MRPS25: variants seen among roughly 807,000 people sequenced by gnomAD.
MRPS25 encodes the protein mitochondrial ribosomal protein S25, also known as small ribosomal subunit protein mS25.
MRPS25 carries 15 observed loss-of-function variants against 17.3 expected under a neutral mutation model. The ratio of observed to expected loss-of-function variants is 0.87; its 90% CI spans 0.58 to 1.34. The LOEUF is 1.34. Among genes scored for constraint, MRPS25 ranks in the 40% most tolerant of loss-of-function variants. MRPS25 has a pLI of 0.00. For synonymous variants in MRPS25, 94 were observed against 83.3 expected (o/e 1.13, Z -0.70); for missense variants, 225 against 218.6 (o/e 1.03, Z -0.19).
intron 2 of MRPS25, among the ~76,000 whole-genome samples, chr3:15,055,510 T>A (rs960350770): frequency 2.0e-5 from 3 of 152,156 alleles, no homozygotes; most frequent in Non-Finnish European, 4.4e-5. Flanking sequence ...AGGTCGCTAG[T>A]AGAAATGCAA....
At chr3:15,047,695 G>T (rs1282948255), downstream of MRPS25, 15 of 152,246 alleles carry the variant, frequency 9.9e-5, no homozygotes, top group Non-Finnish European at 4.4e-5. Flanking sequence ...TCTTTCTATC[G>T]CCAGTTAAAA....
chr3:15,057,930 G>A (rs1325494933), intron 2 of MRPS25, among the ~76,000 whole-genome samples: 1 of 152,178 alleles, frequency 6.6e-6, no homozygotes, highest in Non-Finnish European at 1.5e-5. Flanking sequence ...TGTTGCCCAG[G>A]CTGGCGTGCA....
chr3:15,054,575 A>C (rs995964852), intron 2 of MRPS25, among the ~76,000 whole-genome samples: 1 of 152,168 alleles, frequency 6.6e-6, no homozygotes, highest in African/African-American at 2.4e-5. Flanking sequence ...TGGATTTGAG[A>C]CCTAAATGTA....
rs1297922767 is a variant in MRPS25, at chr3:15,052,288, TC to T, written c.*152del. 1.4e-5 allele frequency: 20 copies of T among 1,409,938 alleles called. No homozygotes were observed. Among genetic ancestry groups the T allele is most frequent in the Middle Eastern group, 2.4e-4 (1 of 4,182 alleles). 87.3% of individuals were successfully genotyped at this position (1,409,938 alleles called of 1,614,324 possible). On this transcript the variant is annotated 3_prime_UTR_variant, in exon 4 of 4. Transcript: ENST00000253686. ...CAGCTTCAGACCCTCCTCTCCCACA[TC>T]CTTTTACACAGGTGTGTAAAGTCCT...
downstream of MRPS25, chr3:15,042,859 C>T (rs866520728): frequency 2.5e-6 from 4 of 1,613,944 alleles, no homozygotes; most frequent in Non-Finnish European, 3.4e-6. Context: ...CGTTCGCCTG[C>T]CGGCACTCAG....
chr3:15,053,156 C>T, intron 3 of MRPS25: 1 of 1,035,310 alleles, frequency 9.7e-7, no homozygotes, highest in Non-Finnish European at 1.3e-6. Context: ...GAGAGAGGTA[C>T]TTCTCACACT....
chr3:15,055,033 A>G (rs2125133369), intron 2 of MRPS25, among the ~76,000 whole-genome samples: 1 of 152,326 alleles, frequency 6.6e-6, no homozygotes, highest in African/African-American at 2.4e-5. Context: ...GCTTCCAATC[A>G]TGGCAGAAGG....
Position 15,052,646 on chromosome 3 carries a change from A to C in MRPS25, c.330-13T>G, listed in dbSNP as rs544242728. 46 of 1,609,796 alleles carry C rather than the reference A, an allele frequency of 2.9e-5. No homozygotes were observed. The highest frequency in any genetic ancestry group is 3.7e-5 in the Non-Finnish European group (43 of 1,177,154). ...CCTGAGGGTTTCCCTGCCAAAGAGC[A>C]CAGACGGCAACCAAGCATTGGCAAC... On this transcript the variant is annotated splice_polypyrimidine_tract_variant and intron_variant, in intron 3 of 3. Coordinates refer to ENST00000253686, the MANE Select transcript of MRPS25 (RefSeq NM_022497.5).
chr3:15,046,964 C>T (rs547409840), downstream of MRPS25: 3 of 152,736 alleles, frequency 2.0e-5, no homozygotes, highest in East Asian at 5.8e-4. Context: ...CATTGTGTGC[C>T]TCCCACCAGC....
chr3:15,058,304 C>T (rs1222647841), intron 2 of MRPS25, among the ~76,000 whole-genome samples: 5 of 152,218 alleles, frequency 3.3e-5, no homozygotes, highest in African/African-American at 1.2e-4. Context: ...ATTCTCCTGC[C>T]TCAGCCTCCC....
downstream of MRPS25, chr3:15,048,008 A>G (rs2042515976): frequency 6.5e-6 from 1 of 152,700 alleles, no homozygotes; most frequent in Admixed American, 6.5e-5. Context: ...GGCCTGGCCC[A>G]GCAGTAGTTG....
At chr3:15,062,136 C>G (rs1235256653) in intron 1 of MRPS25, among the ~76,000 whole-genome samples, 4 of 546 alleles carry the variant, frequency 7.3e-3, no homozygotes, top group Admixed American at 0.036. Flanking sequence ...GGAGGGAGTG[C>G]GGCGGGTCAG....
intron 2 of MRPS25, among the ~76,000 whole-genome samples, chr3:15,058,095 C>T (rs1364889269): frequency 6.6e-6 from 1 of 152,080 alleles, no homozygotes; most frequent in Non-Finnish European, 1.5e-5. Context: ...ATGTTGGTCT[C>T]GAACTCCTGA....
rs1394565291 is a variant in MRPS25, at chr3:15,064,070, G to A, written c.134+991C>T. Among the ~76,000 whole-genome samples, 4 of 152,314 alleles carry A rather than the reference G, an allele frequency of 2.6e-5. No homozygotes were observed. In the East Asian group the frequency reaches 7.7e-4, roughly 29 times the overall value. On this transcript the variant is annotated intron_variant, in intron 1 of 3. Coordinates refer to ENST00000253686, the MANE Select transcript of MRPS25 (RefSeq NM_022497.5). ...ATCTCTTGAAGGGCCATGCAGTGAA[G>A]GTCCGTCACCAAGGGGACCATGCCC...
At chr3:15,061,084 T>C (rs1404238015) in intron 1 of MRPS25, among the ~76,000 whole-genome samples, 10 of 152,056 alleles carry the variant, frequency 6.6e-5, no homozygotes, top group African/African-American at 1.9e-4. Flanking sequence ...AACTAGGACA[T>C]AGCCAGGTGA....
chr3:15,043,139 T>C, downstream of MRPS25: 1 of 788,548 alleles, frequency 1.3e-6, no homozygotes, highest in South Asian at 3.4e-5. Flanking sequence ...TTTCTCCTTA[T>C]CTGTTAATCC....
rs936080704 is a variant in MRPS25 at position 15,048,745 on chromosome 3, G to C, written c.*3696C>G. On this transcript the variant is annotated 3_prime_UTR_variant, in exon 4 of 4. Transcript: ENST00000253686. Reference sequence around the variant, plus strand: ...GTTCTACGGATTATCTTGTAAACCAGTGTTCAACTAGTTTTATAACTGAAA... The same window carrying C: ...GTTCTACGGATTATCTTGTAAACCACTGTTCAACTAGTTTTATAACTGAAA... 2 of 152,578 alleles carry C rather than the reference G, an allele frequency of 1.3e-5. No individual in the cohort carries two copies. Among genetic ancestry groups the C allele is most frequent in the South Asian group, 2.1e-4 (1 of 4,836 alleles). 9.5% of individuals were successfully genotyped at this position (152,578 alleles called of 1,614,324 possible).
At chr3:15,042,551 G>T (rs1175448618), downstream of MRPS25, 3 of 316,220 alleles carry the variant, frequency 9.5e-6, no homozygotes, top group East Asian at 1.6e-4. Context: ...TCTGTCCTCT[G>T]TTGATGAATT....
Position 15,049,707 on chromosome 3 carries a change from C to T in MRPS25, c.*2734G>A. 1 of 570,872 alleles carries T rather than the reference C, an allele frequency of 1.8e-6. No individual in the cohort carries two copies. Among genetic ancestry groups the T allele is most frequent in the Non-Finnish European group, 3.0e-6 (1 of 328,862 alleles). The allele number at this position is 570,872 out of a possible 1,614,324, so 35.4% of individuals were successfully genotyped here. A position where few individuals can be genotyped will look rare whatever the true frequency, so the allele number is the denominator to read the frequency against. ...AGAACATATTCATTATGTCATCTGA[C>T]CTCTCATGTTCCAGGTGAAAATTCT... On this transcript the variant is annotated 3_prime_UTR_variant, in exon 4 of 4. Coordinates refer to ENST00000253686, the MANE Select transcript of MRPS25 (RefSeq NM_022497.5).
Sources: allele counts gnomAD v4.1 joint callset (sites outside exome capture counted in the v4.1 genomes callset), GRCh38; gene constraint gnomAD v4.1.1; transcripts MANE v1.5; gene names NCBI Gene and HGNC (gene_info 2026-07-23, HGNC 2026-07-21).